MYO1E: variants seen among roughly 807,000 people sequenced by gnomAD.
MYO1E encodes myosin IE.
In MYO1E, 68 loss-of-function variants were observed where a neutral mutation model predicts 151.1. The ratio of observed to expected loss-of-function variants is 0.45; its 90% CI spans 0.37 to 0.55. The LOEUF (loss-of-function observed/expected upper bound fraction) is 0.55. Ranked by LOEUF, MYO1E falls within the 20% of genes least tolerant of loss-of-function variation. The pLI, the probability that MYO1E is intolerant of heterozygous loss-of-function variation, is 0.00. For missense variants in MYO1E, 1,363 were observed against 1,389.3 expected, an observed-to-expected ratio of 0.98 and a Z score of 0.30; for synonymous variants, 601 against 501.7, an observed-to-expected ratio of 1.20 and a Z score of -2.64.
At chr15:59,191,008 G>T (rs1191265560) in intron 17 of MYO1E, among the ~76,000 whole-genome samples, 1 of 152,136 alleles carries the variant, frequency 6.6e-6, no homozygotes, top group Non-Finnish European at 1.5e-5. Context: ...GAGGGGGACA[G>T]ATGAAGCTCG....
At chr15:59,235,656 G>A in intron 5 of MYO1E, among the ~76,000 whole-genome samples, 1 of 152,004 alleles carries the variant, frequency 6.6e-6, no homozygotes, top group East Asian at 1.9e-4. Flanking sequence ...GTATTATTTT[G>A]TATACATTTC....
intron 26 of MYO1E, among the ~76,000 whole-genome samples, chr15:59,141,658 C>T (rs1369139297): frequency 2.0e-5 from 3 of 151,992 alleles, no homozygotes; most frequent in South Asian, 2.1e-4. Flanking sequence ...GGTAGCTGGG[C>T]GTGACGGTGC....
intron 9 of MYO1E, chr15:59,218,352 CAAG>C: frequency 1.7e-6 from 1 of 596,914 alleles, no homozygotes. Flanking sequence ...ATCAGGGATT[CAAG>C]AAGGATGGCA....
intron 1 of MYO1E, among the ~76,000 whole-genome samples, chr15:59,348,033 GA>G (rs371350851): frequency 2.6e-5 from 4 of 152,142 alleles, no homozygotes; most frequent in African/African-American, 9.7e-5. Context: ...GAACCCTGGT[GA>G]AAAACAGATT....
chr15:59,364,405 G>T (rs1000802883), intron 1 of MYO1E, among the ~76,000 whole-genome samples: 2 of 152,132 alleles, frequency 1.3e-5, no homozygotes, highest in Admixed American at 6.5e-5. Context: ...GGTTCTAGTG[G>T]GTGGAAGGAG....
At chr15:59,293,846 T>C (rs1191132128) in intron 1 of MYO1E, among the ~76,000 whole-genome samples, 1 of 151,838 alleles carries the variant, frequency 6.6e-6, no homozygotes, top group Non-Finnish European at 1.5e-5. Context: ...AGTTTGAGAC[T>C]AGCCTGGGAA....
Position 59,159,510 on chromosome 15 carries a change from G to A in MYO1E, c.2786-1131C>T, listed in dbSNP as rs180678649. Reference sequence around the variant, plus strand: ...AGGAGGGAGGTGGGGGACTTCATGTGCCTCCTTCCTGACTGTAGCCTTCAG... The same window carrying A: ...AGGAGGGAGGTGGGGGACTTCATGTACCTCCTTCCTGACTGTAGCCTTCAG... On this transcript the variant is annotated intron_variant, in intron 24 of 27. Transcript: ENST00000288235. The surrounding 1 kb of genome is among the most constrained non-coding windows in gnomAD (Gnocchi z 4.4). 1.7e-3 allele frequency among the ~76,000 whole-genome samples: 255 copies of A among 152,332 alleles called. 5 individuals carry two copies. Among genetic ancestry groups the A allele is most frequent in the Middle Eastern group, 6.8e-3 (2 of 294 alleles).
At chr15:59,332,281 G>A (rs1468862101) in intron 1 of MYO1E, among the ~76,000 whole-genome samples, 2 of 152,236 alleles carry the variant, frequency 1.3e-5, no homozygotes, top group African/African-American at 4.8e-5. Flanking sequence ...TCTTTTGTGA[G>A]ACAAAAGTGT....
At chr15:59,307,044 G>A (rs2080518855) in intron 1 of MYO1E, among the ~76,000 whole-genome samples, 1 of 152,226 alleles carries the variant, frequency 6.6e-6, no homozygotes, top group Admixed American at 6.5e-5. Context: ...CATATAGAAA[G>A]AGGCACTGGG....
At chr15:59,331,702 AG>A in intron 1 of MYO1E, among the ~76,000 whole-genome samples, 1 of 152,384 alleles carries the variant, frequency 6.6e-6, no homozygotes, top group East Asian at 1.9e-4. Flanking sequence ...AAATTTCATT[AG>A]GTTAACAGGT....
intron 1 of MYO1E, among the ~76,000 whole-genome samples, chr15:59,329,431 G>C (rs886885359): frequency 3.3e-5 from 5 of 152,178 alleles, no homozygotes; most frequent in African/African-American, 4.8e-5. Flanking sequence ...GTACCCAATA[G>C]CAATCCTAAA....
At chr15:59,153,941 G>A in intron 25 of MYO1E, 150 bp from the exon 26 acceptor site, 2 of 744,964 alleles carry the variant, frequency 2.7e-6, no homozygotes, top group East Asian at 2.7e-5. Flanking sequence ...AGGCATCACT[G>A]CTAACACATT....
At chr15:59,178,570 T>G (rs771708170) in intron 18 of MYO1E, 33 bp from the exon 19 acceptor site, 9 of 1,612,158 alleles carry the variant, frequency 5.6e-6, no homozygotes, top group Non-Finnish European at 7.6e-6. Flanking sequence ...AGAATCACAC[T>G]TGGGCGGGAC....
At chr15:59,289,542 A>G (rs1257666646) in intron 1 of MYO1E, among the ~76,000 whole-genome samples, 1 of 152,152 alleles carries the variant, frequency 6.6e-6, no homozygotes, top group Admixed American at 6.5e-5. Context: ...CTTTCCCAGA[A>G]CCCCTTGTCA....
intron 1 of MYO1E, among the ~76,000 whole-genome samples, chr15:59,317,606 G>C (rs2080597419): frequency 6.6e-6 from 1 of 152,102 alleles, no homozygotes. Context: ...TTCAGTTTCA[G>C]GACTGCCCCA....
intron 9 of MYO1E, among the ~76,000 whole-genome samples, chr15:59,221,780 G>C (rs746330655): frequency 3.9e-4 from 60 of 152,260 alleles, no homozygotes; most frequent in Non-Finnish European, 7.1e-4. Context: ...ATCTAGGGAA[G>C]TGTTTGCTGT....
chr15:59,292,722 C>T (rs1477328572), intron 1 of MYO1E, among the ~76,000 whole-genome samples: 3 of 152,180 alleles, frequency 2.0e-5, no homozygotes, highest in Non-Finnish European at 2.9e-5. Context: ...AACTGAACTG[C>T]GACAGTACTA....
intron 1 of MYO1E, among the ~76,000 whole-genome samples, chr15:59,302,926 A>G (rs1404217270): frequency 6.6e-6 from 1 of 152,204 alleles, no homozygotes; most frequent in Non-Finnish European, 1.5e-5. Flanking sequence ...TGACCAGGGC[A>G]CCTATGAATA....
chr15:59,287,772 T>A (rs1302951498), intron 1 of MYO1E, among the ~76,000 whole-genome samples: 2 of 152,156 alleles, frequency 1.3e-5, no homozygotes, highest in African/African-American at 4.8e-5. Flanking sequence ...ATGTGGGGGA[T>A]TGTGTGAGCA....
Sources: gnomAD v4.1 joint callset for allele counts (sites outside exome capture counted in the v4.1 genomes callset) on GRCh38, gnomAD v4.1.1 for gene constraint, Gnocchi (gnomAD v3.1) non-coding constraint, MANE v1.5 for transcripts, NCBI Gene and HGNC (gene_info 2026-07-23, HGNC 2026-07-21) for gene names.